Variants in FBXW8 observed in about 807,000 individuals in gnomAD.
FBXW8 encodes F-box/WD repeat-containing protein 8.
A neutral mutation model predicts 65.3 loss-of-function variants in FBXW8; 57 were observed. The ratio of observed to expected loss-of-function variants is 0.87; its 90% CI spans 0.71 to 1.09. The LOEUF is 1.09. Among genes scored for constraint, FBXW8 ranks in the 50% least tolerant of loss-of-function variants. The probability of loss-of-function intolerance (pLI) is 0.00; values close to 1 mark genes in which losing one functional copy is unlikely to be tolerated. For synonymous variants in FBXW8, 308 were observed against 330.2 expected, an observed-to-expected ratio of 0.93 and a Z score of 0.73; for missense variants, 777 against 814.8, an observed-to-expected ratio of 0.95 and a Z score of 0.57.
chr12:116,929,029 C>T (rs1881562488), intron 2 of FBXW8, among the ~76,000 whole-genome samples: 1 of 152,162 alleles, frequency 6.6e-6, no homozygotes, highest in Non-Finnish European at 1.5e-5. Context: ...TGGTCTCAAA[C>T]TCCTGATCTC....
intron 4 of FBXW8, among the ~76,000 whole-genome samples, chr12:116,955,320 G>A (rs1292045032): frequency 6.6e-6 from 1 of 152,166 alleles, no homozygotes; most frequent in Non-Finnish European, 1.5e-5. Context: ...CTTCAACTGC[G>A]ACTGAGACAT....
intron 7 of FBXW8, among the ~76,000 whole-genome samples, chr12:116,996,847 A>G (rs937510643): frequency 3.9e-5 from 6 of 152,098 alleles, no homozygotes; most frequent in African/African-American, 1.4e-4. Context: ...GGCACTGGAA[A>G]CATAGAGATG....
chr12:117,017,311 GA>G, intron 8 of FBXW8, among the ~76,000 whole-genome samples: 1 of 152,306 alleles, frequency 6.6e-6, no homozygotes, highest in Non-Finnish European at 1.5e-5. Flanking sequence ...TGCCGGTCCA[GA>G]AAGGTTCAGT....
chr12:116,929,765 T>G (rs1881625619), intron 2 of FBXW8, among the ~76,000 whole-genome samples: 1 of 152,228 alleles, frequency 6.6e-6, no homozygotes, highest in Non-Finnish European at 1.5e-5. Context: ...CACTGTGTTG[T>G]ACAGTAGAGC....
At chr12:117,000,203 C>CT (rs1311487601) in intron 7 of FBXW8, among the ~76,000 whole-genome samples, 1 of 152,138 alleles carries the variant, frequency 6.6e-6, no homozygotes, top group East Asian at 1.9e-4. Context: ...GTCTCTATCT[C>CT]CTGACCTCAT....
At chr12:116,992,526 G>T (rs1408559968) in intron 7 of FBXW8, among the ~76,000 whole-genome samples, 1 of 151,264 alleles carries the variant, frequency 6.6e-6, no homozygotes, top group East Asian at 1.9e-4. Flanking sequence ...TGCTTTTAGT[G>T]TACCTGTCAC....
intron 1 of FBXW8, among the ~76,000 whole-genome samples, chr12:116,919,915 G>A (rs1363110143): frequency 1.3e-5 from 2 of 152,156 alleles, no homozygotes; most frequent in African/African-American, 4.8e-5. Flanking sequence ...TAGATTTAAT[G>A]GCTTAACCTT....
chr12:116,911,423 A>G (rs534476620), intron 1 of FBXW8, 68 bp downstream of exon 1: 30 of 1,040,106 alleles, frequency 2.9e-5, no homozygotes, highest in Non-Finnish European at 3.5e-5. Flanking sequence ...AAACCCCTGC[A>G]GTGATTTGGA....
At chr12:116,981,674 C>T (rs1885315561) in intron 5 of FBXW8, among the ~76,000 whole-genome samples, 1 of 151,416 alleles carries the variant, frequency 6.6e-6, no homozygotes, top group Non-Finnish European at 1.5e-5. Flanking sequence ...AGTGCAGTGG[C>T]ACTATCTTGG....
intron 8 of FBXW8, among the ~76,000 whole-genome samples, chr12:117,016,192 T>C (rs1027665286): frequency 5.3e-5 from 8 of 152,356 alleles, no homozygotes; most frequent in Admixed American, 5.2e-4. Flanking sequence ...GGGAGTGGAA[T>C]TGCTGGCTTA....
At chr12:116,960,263 G>T (rs1359765447) in intron 4 of FBXW8, among the ~76,000 whole-genome samples, 1 of 152,124 alleles carries the variant, frequency 6.6e-6, no homozygotes, top group African/African-American at 2.4e-5. Context: ...TGTTTCCTTA[G>T]CACAAGTTCA....
rs1364588645 is a variant in FBXW8 at position 116,961,423 on chromosome 12, G to A, written c.678-3274G>A. 6.6e-6 allele frequency among the ~76,000 whole-genome samples: 1 copy of A among 152,180 alleles called. No homozygotes were observed. The highest frequency in any genetic ancestry group is 1.5e-5 in the Non-Finnish European group (1 of 68,032). ...GTGGGGCAGAGAATCAGAGTTCAGA[G>A]GCAAGAGCATTTGGGATCCTCTCTG... is the stretch of plus-strand genomic sequence containing the variant. On this transcript the variant is annotated intron_variant, in intron 4 of 10. Transcript: ENST00000652555. This position sits in a 1 kb window ranked among gnomAD's most constrained non-coding sequence, Gnocchi z 4.4.
chr12:116,931,080 A>T (rs940264865), intron 2 of FBXW8, among the ~76,000 whole-genome samples: 1 of 152,194 alleles, frequency 6.6e-6, no homozygotes, highest in South Asian at 2.1e-4. Context: ...GTGAGATGGG[A>T]TCTAATTTCA....
In FBXW8 at chr12:116,984,226, T is replaced by G. The variant is rs148820242; in HGVS notation, c.836-980T>G. On this transcript the variant is annotated intron_variant, in intron 5 of 10. Transcript: ENST00000652555. ...GTTATCTGACTGGAAAAGCATAAGC[T>G]CCTGTAGACCACTGGTCCTAAACTC... 1.6e-3 allele frequency among the ~76,000 whole-genome samples: 243 copies of G among 152,306 alleles called. 3 individuals are homozygous for G. The highest frequency in any genetic ancestry group is 5.7e-3 in the African/African-American group (236 of 41,572).
chr12:117,009,548 C>T (rs1953755364), intron 7 of FBXW8, among the ~76,000 whole-genome samples: 1 of 152,170 alleles, frequency 6.6e-6, no homozygotes. Flanking sequence ...AGGACTCTGT[C>T]CTCAGCACCT....
chr12:117,010,456 T>G lies in FBXW8; in HGVS notation c.1367+6T>G. On this transcript the variant is annotated splice_donor_region_variant and intron_variant, in intron 8 of 10. Coordinates refer to ENST00000652555, the MANE Select transcript of FBXW8 (RefSeq NM_153348.3). ...AGTGGCAACATGGACGGGAGGTACG[T>G]GAGTTGGAAGGGCATTGCCTTGCAG... 6.2e-7 allele frequency: 1 copy of G among 1,614,218 alleles called. No individual in the cohort carries two copies. The highest frequency in any genetic ancestry group is 8.5e-7 in the Non-Finnish European group (1 of 1,180,034).
At chr12:116,943,273 T>C (rs1196028412) in intron 2 of FBXW8, among the ~76,000 whole-genome samples, 1 of 152,206 alleles carries the variant, frequency 6.6e-6, no homozygotes, top group Non-Finnish European at 1.5e-5. Context: ...TTTCTTTGCA[T>C]GCTTTTGTAA....
intron 5 of FBXW8, among the ~76,000 whole-genome samples, chr12:116,968,818 T>TA (rs528597369): frequency 2.9e-3 from 431 of 150,262 alleles, no homozygotes; most frequent in Non-Finnish European, 3.9e-3. Context: ...AAGGTTAAAT[T>TA]AAAAAAAAAA....
At chr12:116,943,971 A>G (rs1882768717) in intron 2 of FBXW8, among the ~76,000 whole-genome samples, 5 of 152,194 alleles carry the variant, frequency 3.3e-5, no homozygotes, top group Admixed American at 3.3e-4. Context: ...GCTGCCAGCC[A>G]GGTCAAATGG....
Sources: gnomAD v4.1 joint callset for allele counts (sites outside exome capture counted in the v4.1 genomes callset) on GRCh38, gnomAD v4.1.1 for gene constraint, Gnocchi (gnomAD v3.1) non-coding constraint, MANE v1.5 for transcripts, NCBI Gene and HGNC (gene_info 2026-07-23, HGNC 2026-07-21) for gene names.